The following ZNF766 variants were observed in gnomAD, a reference collection of about 807,000 sequenced individuals.
ZNF766 encodes zinc finger protein 766.
A neutral mutation model predicts 13.2 loss-of-function variants in ZNF766; 13 were observed. That is an observed-to-expected ratio of 0.98 (90% CI 0.64 to 1.56). The LOEUF (loss-of-function observed/expected upper bound fraction) is 1.56, where lower values mean the gene tolerates loss of function less well. ZNF766 is among the 40% of genes most tolerant of loss of function. The pLI is 0.00. For missense variants in ZNF766, 521 were observed against 552.2 expected, an observed-to-expected ratio of 0.94 and a Z score of 0.57; for synonymous variants, 178 against 187.6, an observed-to-expected ratio of 0.95 and a Z score of 0.42.
rs945945390 is a variant in ZNF766, at chr19:52,294,866, T to A, written c.*3668T>A. On this transcript the variant is annotated 3_prime_UTR_variant, in exon 4 of 4. Coordinates refer to ENST00000439461, the MANE Select transcript of ZNF766 (RefSeq NM_001010851.3). ...ATGATTGTTGAAAACACTTGTGAAATTTTTTTAGTAAAATTGCCTAAGATA... is the reference window on the plus strand; with the variant it reads ...ATGATTGTTGAAAACACTTGTGAAAATTTTTTAGTAAAATTGCCTAAGATA... 2 of 152,014 alleles carry A rather than the reference T, an allele frequency of 1.3e-5. No individual in the cohort carries two copies. The highest frequency in any genetic ancestry group is 2.9e-5 in the Non-Finnish European group (2 of 68,010). The allele number at this position is 152,014 out of a possible 1,614,324, so 9.4% of individuals were successfully genotyped here.
At chr19:52,279,952 C>G (rs745349510) in intron 1 of ZNF766, among the ~76,000 whole-genome samples, 1 of 151,634 alleles carries the variant, frequency 6.6e-6, no homozygotes, top group East Asian at 1.9e-4. Context: ...CCCGCCACCA[C>G]GCCTAGCTAA....
chr19:52,285,049 T>C (rs1981744640), intron 3 of ZNF766: 1 of 152,102 alleles, frequency 6.6e-6, no homozygotes, highest in Admixed American at 6.6e-5. Context: ...CTTCTAACCA[T>C]GGCCTGGTCT....
At chr19:52,272,493 G>A (rs1981018162) in intron 1 of ZNF766, among the ~76,000 whole-genome samples, 1 of 152,004 alleles carries the variant, frequency 6.6e-6, no homozygotes, top group African/African-American at 2.4e-5. Flanking sequence ...TTAAGACACG[G>A]TCTCAGTCTG....
At position 52,291,223 on chromosome 19, in the gene ZNF766, C is replaced by T. The variant is rs139420041; in HGVS notation, c.*25C>T. On this transcript the variant is annotated 3_prime_UTR_variant, in exon 4 of 4. Transcript: ENST00000439461. ...AGTTTGGCAAACTCTATCATAAGTT[C>T]TAGCAGTAATCAACATCCGAGAGTC... The T allele has an allele frequency of 4.8e-4, 731 of 1,534,538 alleles. 3 individuals are homozygous for T. The African/African-American group carries it at 9.4e-3, about 20-fold the overall frequency.
At chr19:52,269,885 C>T (rs1980898997) in intron 1 of ZNF766, among the ~76,000 whole-genome samples, 1 of 152,198 alleles carries the variant, frequency 6.6e-6, no homozygotes. Context: ...ACCCCTCCGC[C>T]AGCCCCGCGC....
chr19:52,279,794 T>TTC (rs1568618258), intron 1 of ZNF766, among the ~76,000 whole-genome samples: 1 of 126,734 alleles, frequency 7.9e-6, no homozygotes, highest in African/African-American at 2.9e-5. Flanking sequence ...CTTTTCTTTT[T>TTC]TTTTTTTTTT....
Position 52,292,136 on chromosome 19 carries a change from G to A in ZNF766, c.*938G>A. The A allele has an allele frequency of 1.4e-6, 1 of 702,436 alleles. No homozygotes were observed. The highest frequency in any genetic ancestry group is 2.7e-5 in the East Asian group (1 of 37,240). 43.5% of individuals were successfully genotyped at this position (702,436 alleles called of 1,614,324 possible). ...CCTGAACTTTGAAATTTCTTCATGT[G>A]CCTTCCCTACAGGCCTTTCACTGTG... On this transcript the variant is annotated 3_prime_UTR_variant, in exon 4 of 4. Coordinates refer to ENST00000439461, the MANE Select transcript of ZNF766 (RefSeq NM_001010851.3).
Position 52,294,377 on chromosome 19 carries a change from T to G in ZNF766, c.*3179T>G, listed in dbSNP as rs1982268238. 1 of 152,216 alleles carries G rather than the reference T, an allele frequency of 6.6e-6. No homozygotes were observed. The highest frequency in any genetic ancestry group is 6.5e-5 in the Admixed American group (1 of 15,276). The allele number at this position is 152,216 out of a possible 1,614,324, so 9.4% of individuals were successfully genotyped here. ...TCATTCTTCTGGAACTGCTTTGACA[T>G]CCACCTGAAGTTTGGTTTGGGTATT... On this transcript the variant is annotated 3_prime_UTR_variant, in exon 4 of 4. Coordinates refer to ENST00000439461, the MANE Select transcript of ZNF766 (RefSeq NM_001010851.3).
chr19:52,290,635 C>A lies in ZNF766; in HGVS notation c.844C>A (p.Arg282=). 1 of 1,613,742 alleles carries A rather than the reference C, an allele frequency of 6.2e-7. No individual in the cohort carries two copies. The highest frequency in any genetic ancestry group is 8.5e-7 in the Non-Finnish European group (1 of 1,179,874). Reference sequence around the variant, plus strand: ...TAATGAGTGTGGCAAGGTCTTCAGTCGAATTACATACCTTGTACGACATCA... The same window carrying A: ...TAATGAGTGTGGCAAGGTCTTCAGTAGAATTACATACCTTGTACGACATCA... The part of the protein sequence containing the change: ...KCNECGKVFS[R]ITYLVRHQKI... The change falls in exon 4 of 4, where the codon CGA becomes AGA. Residue 282 remains arginine, a synonymous_variant. Coordinates refer to ENST00000439461, the MANE Select transcript of ZNF766 (RefSeq NM_001010851.3).
chr19:52,292,406 A>G lies in ZNF766; in HGVS notation c.*1208A>G, dbSNP rs566784287. 1.2e-5 allele frequency: 6 copies of G among 511,764 alleles called. No homozygotes were observed. The highest frequency in any genetic ancestry group is 2.1e-5 in the Non-Finnish European group (6 of 288,678). 31.7% of individuals were successfully genotyped at this position (511,764 alleles called of 1,614,324 possible). ...TCTACAAATGACCATGAAATAGAGC[A>G]CGCCATGACTTTAGGACACAGGGAT... On this transcript the variant is annotated 3_prime_UTR_variant, in exon 4 of 4. Transcript: ENST00000439461.
At chr19:52,280,373 A>T (rs914599747) in intron 1 of ZNF766, among the ~76,000 whole-genome samples, 14 of 149,630 alleles carry the variant, frequency 9.4e-5, no homozygotes, top group Non-Finnish European at 1.9e-4. Context: ...AATTTTTTTT[A>T]AAAAAGATGA....
intron 1 of ZNF766, among the ~76,000 whole-genome samples, chr19:52,272,147 G>A (rs538326190): frequency 1.3e-5 from 2 of 152,032 alleles, no homozygotes; most frequent in Non-Finnish European, 2.9e-5. Context: ...TTATATTTCT[G>A]TCTTCAGTCT....
At chr19:52,280,263 G>A (rs1458320628) in intron 1 of ZNF766, among the ~76,000 whole-genome samples, 2 of 152,188 alleles carry the variant, frequency 1.3e-5, no homozygotes, top group African/African-American at 4.8e-5. Context: ...GGGAGGCTGA[G>A]GAGGGAGGAT....
rs1982214571 is a variant in ZNF766, at chr19:52,292,910, C to G, written c.*1712C>G. On this transcript the variant is annotated 3_prime_UTR_variant, in exon 4 of 4. Coordinates refer to ENST00000439461, the MANE Select transcript of ZNF766 (RefSeq NM_001010851.3). ...ATACATGTGCCATATTCGTTTGCTG[C>G]ACCCATCAACTTGTCATTTACGTTA... The G allele has an allele frequency of 6.6e-6, 1 of 152,152 alleles. No homozygotes were observed. Among genetic ancestry groups the G allele is most frequent in the Non-Finnish European group, 1.5e-5 (1 of 68,036 alleles). 9.4% of individuals were successfully genotyped at this position (152,152 alleles called of 1,614,324 possible).
intron 1 of ZNF766, 52 bp from the exon 2 acceptor site, chr19:52,282,059 A>G: frequency 3.8e-6 from 6 of 1,571,428 alleles, no homozygotes; most frequent in Non-Finnish European, 4.3e-6. Flanking sequence ...ATTTCGTGTG[A>G]ACATAATTAC....
At chr19:52,276,109 A>C (rs1190347405) in intron 1 of ZNF766, among the ~76,000 whole-genome samples, 2 of 152,250 alleles carry the variant, frequency 1.3e-5, no homozygotes, top group Non-Finnish European at 2.9e-5. Context: ...TATATATACC[A>C]GATGTGTAGT....
intron 3 of ZNF766, among the ~76,000 whole-genome samples, chr19:52,288,846 CTTTTA>C (rs995271478): frequency 1.1e-4 from 16 of 151,124 alleles, no homozygotes; most frequent in African/African-American, 3.6e-4. Context: ...TATTTATTTA[CTTTTA>C]TTTATTTATT....
At chr19:52,282,071 C>G (rs114037214) in intron 1 of ZNF766, 40 bp from the exon 2 acceptor site, 5 of 1,578,306 alleles carry the variant, frequency 3.2e-6, no homozygotes, top group South Asian at 2.2e-5. Flanking sequence ...CATAATTACT[C>G]TCTCCTTACC....
At chr19:52,281,154 TA>T (rs72487281) in intron 1 of ZNF766, among the ~76,000 whole-genome samples, 152 of 142,418 alleles carry the variant, frequency 1.1e-3, no homozygotes, top group African/African-American at 1.3e-3. Context: ...AAACTCCATC[TA>T]AAAAAAAAAA....
Sources: allele counts gnomAD v4.1 joint callset (sites outside exome capture counted in the v4.1 genomes callset), GRCh38; gene constraint gnomAD v4.1.1; transcripts MANE v1.5; gene names NCBI Gene and HGNC (gene_info 2026-07-23, HGNC 2026-07-21).